DAPK1: variants seen among roughly 807,000 people sequenced by gnomAD.
The protein encoded by DAPK1 is death-associated protein kinase 1.
A neutral mutation model predicts 144.9 loss-of-function variants in DAPK1; 56 were observed. The ratio of observed to expected loss-of-function variants is 0.39; its 90% CI spans 0.31 to 0.48. DAPK1 has a LOEUF of 0.48. DAPK1 is among the 20% of genes least tolerant of loss of function. The probability of loss-of-function intolerance (pLI) is 0.95; values close to 1 mark genes in which losing one functional copy is unlikely to be tolerated. For missense variants in DAPK1, 1,454 were observed against 1,875.4 expected, an observed-to-expected ratio of 0.78 and a Z score of 4.15; for synonymous variants, 690 against 749.0, an observed-to-expected ratio of 0.92 and a Z score of 1.29.
In DAPK1 at chr9:87,657,900, G is replaced by C. The variant is rs934145547; in HGVS notation, c.1825-129G>C. 76 of 695,732 alleles carry C rather than the reference G, an allele frequency of 1.1e-4. 1 individual carries two copies. In the Admixed American group the frequency reaches 1.6e-3, roughly 14 times the overall value. 43.1% of individuals were successfully genotyped at this position (695,732 alleles called of 1,614,324 possible). A position where few individuals can be genotyped will look rare whatever the true frequency, so the allele number is the denominator to read the frequency against. On this transcript the variant is annotated intron_variant, in intron 17 of 25. Transcript: ENST00000408954. ...TGCCCCAGTGGAGAGCAAGTTTCAG[G>C]AGAAGGGAGATGGCTCCTTCCTCCT...
chr9:87,621,393 C>T (rs1226021913), intron 3 of DAPK1, among the ~76,000 whole-genome samples: 3 of 152,216 alleles, frequency 2.0e-5, no homozygotes, highest in Admixed American at 6.5e-5. Context: ...ATGCCGTGCC[C>T]AGAGGCTGGT....
At chr9:87,630,437 C>A (rs1829634870) in intron 3 of DAPK1, among the ~76,000 whole-genome samples, 1 of 152,144 alleles carries the variant, frequency 6.6e-6, no homozygotes, top group Admixed American at 6.5e-5. Flanking sequence ...CTCCTCCAGG[C>A]AGTGACTCAG....
intron 14 of DAPK1, 53 bp downstream of exon 14, chr9:87,647,456 T>C: frequency 1.4e-6 from 2 of 1,442,306 alleles, no homozygotes; most frequent in Non-Finnish European, 2.0e-6. Flanking sequence ...TGGATGCATG[T>C]GAGTGTGAGT....
intron 20 of DAPK1, among the ~76,000 whole-genome samples, chr9:87,683,882 A>G (rs3128483): frequency 0.47 from 70,875 of 152,120 alleles, 17,400 homozygotes; most frequent in East Asian, 0.73. Flanking sequence ...GGGAGGAGGC[A>G]GCTGTCCTGG....
chr9:87,685,074 G>A (rs1824787822), intron 20 of DAPK1, among the ~76,000 whole-genome samples: 1 of 152,182 alleles, frequency 6.6e-6, no homozygotes, highest in Non-Finnish European at 1.5e-5. Context: ...TGCAGGCTGG[G>A]ATTAACAATA....
intron 20 of DAPK1, among the ~76,000 whole-genome samples, chr9:87,683,510 T>C (rs886159381): frequency 3.3e-5 from 5 of 151,066 alleles, no homozygotes; most frequent in Non-Finnish European, 7.4e-5. Context: ...GGGTGGGATA[T>C]GAGAGAGAGA....
At chr9:87,600,839 GA>G (rs1388341337) in intron 2 of DAPK1, among the ~76,000 whole-genome samples, 1 of 152,220 alleles carries the variant, frequency 6.6e-6, no homozygotes, top group Non-Finnish European at 1.5e-5. Context: ...TGGGTGTGAG[GA>G]GGGGGCAGAA....
At chr9:87,524,607 A>G (rs1274686379) in intron 2 of DAPK1, among the ~76,000 whole-genome samples, 3 of 152,212 alleles carry the variant, frequency 2.0e-5, no homozygotes, top group Admixed American at 6.5e-5. Context: ...TTACAGCAGC[A>G]CAATTCGCAA....
intron 18 of DAPK1, among the ~76,000 whole-genome samples, chr9:87,662,078 G>T (rs539837500): frequency 1.3e-5 from 2 of 152,274 alleles, no homozygotes; most frequent in South Asian, 4.1e-4. Context: ...ATTGAAAAGG[G>T]TGTCCTTTTT....
At chr9:87,600,966 G>A (rs1051312972) in intron 2 of DAPK1, among the ~76,000 whole-genome samples, 17 of 152,112 alleles carry the variant, frequency 1.1e-4, no homozygotes, top group Admixed American at 9.2e-4. Flanking sequence ...ATTCCTCTGA[G>A]GGCACACGAT....
intron 2 of DAPK1, among the ~76,000 whole-genome samples, chr9:87,554,741 G>C (rs918225576): frequency 6.6e-6 from 1 of 152,210 alleles, no homozygotes; most frequent in African/African-American, 2.4e-5. Flanking sequence ...AGCTGGCCTC[G>C]GCCTGACTGC....
chr9:87,571,886 T>C (rs888543897), intron 2 of DAPK1, among the ~76,000 whole-genome samples: 5 of 152,208 alleles, frequency 3.3e-5, no homozygotes, highest in Admixed American at 3.3e-4. Flanking sequence ...TGGTTGGCCT[T>C]GCTGTTGGCT....
chr9:87,627,258 C>T (rs1191010581), intron 3 of DAPK1, among the ~76,000 whole-genome samples: 1 of 152,200 alleles, frequency 6.6e-6, no homozygotes, highest in Non-Finnish European at 1.5e-5. Context: ...CCATCCTGGC[C>T]TCAGGTCCCC....
intron 2 of DAPK1, among the ~76,000 whole-genome samples, chr9:87,530,159 C>T (rs1825653243): frequency 6.6e-6 from 1 of 152,182 alleles, no homozygotes; most frequent in Non-Finnish European, 1.5e-5. Context: ...CCAGTGAGAA[C>T]TTATATGGTT....
rs942326926 is a variant in DAPK1, at chr9:87,706,893, G to A, written c.3822G>A (p.Gly1274=). 1.2e-6 allele frequency: 2 copies of A among 1,614,010 alleles called. No homozygotes were observed. Among genetic ancestry groups the A allele is most frequent in the Non-Finnish European group, 8.5e-7 (1 of 1,180,012 alleles). Residue 1274 remains glycine (G), a synonymous_variant, in exon 26 of 26, where the codon GGG becomes GGA. Coordinates refer to ENST00000408954, the MANE Select transcript of DAPK1 (RefSeq NM_004938.4). This position sits in a 1 kb window ranked among gnomAD's most constrained non-coding sequence, Gnocchi z 9.0. ...KETSLTNTMG[G]YKESFSSIMC... The stretch of plus-strand genomic sequence containing the variant: ...CCTCACTGACCAACACCATGGGGGG[G>A]TACAAGGAAAGCTTCAGCAGCATCA...
intron 2 of DAPK1, among the ~76,000 whole-genome samples, chr9:87,593,454 C>T (rs1228697976): frequency 6.6e-6 from 1 of 152,202 alleles, no homozygotes. Flanking sequence ...TTTGTTCTTC[C>T]TCTCATGCTC....
intron 2 of DAPK1, among the ~76,000 whole-genome samples, chr9:87,538,090 A>G (rs1252052879): frequency 6.6e-6 from 1 of 152,140 alleles, no homozygotes; most frequent in Non-Finnish European, 1.5e-5. Flanking sequence ...CTACAATCTC[A>G]ATGTCATTGT....
chr9:87,639,502 G>A lies in DAPK1; in HGVS notation c.553+19G>A, dbSNP rs1198541171. On this transcript the variant is annotated intron_variant, in intron 5 of 25. Transcript: ENST00000408954. The stretch of plus-strand genomic sequence containing the variant: ...TTTGTCGGTAAGTTTCTTTGCTCCT[G>A]TGGTCATTTACGTCTCATAAACATT... The A allele has an allele frequency of 1.2e-6, 2 of 1,610,926 alleles. No individual in the cohort carries two copies. The highest frequency in any genetic ancestry group is 1.7e-6 in the Non-Finnish European group (2 of 1,179,138).
intron 25 of DAPK1, among the ~76,000 whole-genome samples, chr9:87,704,938 C>CT (rs1033391782): frequency 6.6e-5 from 10 of 151,904 alleles, no homozygotes; most frequent in African/African-American, 2.4e-4. Flanking sequence ...TTTTTTGTCA[C>CT]TTTTTTTTCC....
Sources: allele counts gnomAD v4.1 joint callset (sites outside exome capture counted in the v4.1 genomes callset), GRCh38; gene constraint gnomAD v4.1.1; non-coding constraint Gnocchi (gnomAD v3.1); transcripts MANE v1.5; gene names NCBI Gene and HGNC (gene_info 2026-07-23, HGNC 2026-07-21).